The following NOX4 variants were observed in gnomAD, a reference collection of about 807,000 sequenced individuals.
NOX4 encodes kidney oxidase-1.
A neutral mutation model predicts 87.6 loss-of-function variants in NOX4; 69 were observed. That is an observed-to-expected ratio of 0.79 (90% confidence interval 0.65 to 0.96). The LOEUF is 0.96. NOX4 is among the 40% of genes least tolerant of loss of function. The pLI, the probability that NOX4 is intolerant of heterozygous loss-of-function variation, is 0.00. For synonymous variants in NOX4, 275 were observed against 238.2 expected, an observed-to-expected ratio of 1.15 and a Z score of -1.42; for missense variants, 680 against 681.5, an observed-to-expected ratio of 1.00 and a Z score of 0.02.
chr11:89,501,730 T>C (rs76544096), upstream of NOX4, among the ~76,000 whole-genome samples: 1,631 of 152,054 alleles, frequency 0.011, 29 homozygotes, highest in African/African-American at 0.037. Flanking sequence ...CTCCCAAATA[T>C]GTAAAGTCAA....
chr11:89,489,539 C>A (rs1032533875), intron 2 of NOX4, among the ~76,000 whole-genome samples: 13 of 151,778 alleles, frequency 8.6e-5, no homozygotes, highest in Admixed American at 7.9e-4. Flanking sequence ...ACCAGCCTGA[C>A]CAACATGGTG....
intron 8 of NOX4, among the ~76,000 whole-genome samples, chr11:89,416,098 A>G (rs1942754861): frequency 6.6e-6 from 1 of 152,184 alleles, no homozygotes; most frequent in African/African-American, 2.4e-5. Context: ...AGGAGTAGGT[A>G]GAATACCTGT....
At chr11:89,526,411 T>A in the NOX4 span, among the ~76,000 whole-genome samples, 2 of 152,216 alleles carry the variant, frequency 1.3e-5, no homozygotes, top group African/African-American at 4.8e-5. Context: ...AACTTTGATC[T>A]CCTTCTTTAT....
At chr11:89,370,426 G>C (rs534860778) in intron 12 of NOX4, among the ~76,000 whole-genome samples, 1 of 151,674 alleles carries the variant, frequency 6.6e-6, no homozygotes, top group African/African-American at 2.4e-5. Context: ...GGAATAAGTG[G>C]CTATTTAGAC....
intron 11 of NOX4, among the ~76,000 whole-genome samples, chr11:89,386,670 C>A (rs1307258093): frequency 6.6e-6 from 1 of 152,056 alleles, no homozygotes; most frequent in African/African-American, 2.4e-5. Context: ...GACTTACTCA[C>A]TGCTAAAAAA....
the NOX4 span, among the ~76,000 whole-genome samples, chr11:89,580,480 C>A: frequency 6.6e-6 from 1 of 151,988 alleles, no homozygotes; most frequent in African/African-American, 2.4e-5. Context: ...CTGAGCTCAG[C>A]CTAAAATATG....
chr11:89,337,600 G>C lies in NOX4; in HGVS notation c.1447-85C>G, dbSNP rs1471119031. On this transcript the variant is annotated intron_variant, in intron 15 of 17. Coordinates refer to ENST00000263317, the MANE Select transcript of NOX4 (RefSeq NM_016931.5). The stretch of plus-strand genomic sequence containing the variant: ...TCCTATTCTAACATACTTGATTCTA[G>C]AATTTAACACAACCTAGCTTATCAT... The C allele has an allele frequency of 5.7e-6, 9 of 1,565,718 alleles. No homozygotes were observed. The East Asian group carries it at 1.4e-4, about 24-fold the overall frequency.
At chr11:89,479,024 T>A (rs1368476138) in intron 2 of NOX4, among the ~76,000 whole-genome samples, 23 of 145,050 alleles carry the variant, frequency 1.6e-4, no homozygotes, top group African/African-American at 5.0e-4. Context: ...AAAAAAAAAA[T>A]GAAATGTGGC....
chr11:89,438,545 TAA>T lies in NOX4; in HGVS notation c.475+2141_475+2142del, dbSNP rs1565292513. Among the ~76,000 whole-genome samples, 365 of 90,376 alleles carry T rather than the reference TAA, an allele frequency of 4.0e-3. 17 individuals are homozygous for T. Among genetic ancestry groups the T allele is most frequent in the African/African-American group, 0.017 (343 of 19,830 alleles). 59.3% of individuals were successfully genotyped at this position (90,376 alleles called of 152,430 possible). ...TATACTATATATTACACACTATATA[TAA>T]TAATATACTATATATAATATAATAT... On this transcript the variant is annotated intron_variant, in intron 6 of 17. Coordinates refer to ENST00000263317, the MANE Select transcript of NOX4 (RefSeq NM_016931.5).
At chr11:89,379,525 G>A (rs1399811766) in intron 11 of NOX4, among the ~76,000 whole-genome samples, 7 of 152,096 alleles carry the variant, frequency 4.6e-5, no homozygotes, top group South Asian at 2.1e-4. Context: ...ATAACTGGTC[G>A]TGGAAGGCAG....
At chr11:89,490,434 AT>A in intron 2 of NOX4, 23 bp downstream of exon 2, 3 of 1,506,102 alleles carry the variant, frequency 2.0e-6, no homozygotes, top group Non-Finnish European at 2.8e-6. Flanking sequence ...ATTCCACCAG[AT>A]TATCCAAGTT....
intron 8 of NOX4, among the ~76,000 whole-genome samples, chr11:89,421,390 A>G (rs1032504990): frequency 8.5e-5 from 13 of 152,182 alleles, no homozygotes; most frequent in Admixed American, 8.5e-4. Flanking sequence ...CTTAGGATAC[A>G]TTATTTTTTC....
At chr11:89,522,747 A>G in the NOX4 span, among the ~76,000 whole-genome samples, 1 of 152,228 alleles carries the variant, frequency 6.6e-6, no homozygotes, top group Admixed American at 6.5e-5. Context: ...TGTTTTCAAT[A>G]TAAAAATTGT....
chr11:89,432,948 G>A lies in NOX4; in HGVS notation c.476-92C>T, dbSNP rs547659548. On this transcript the variant is annotated intron_variant, in intron 6 of 17. Transcript: ENST00000263317. Reference sequence around the variant, plus strand: ...ATATTAGAATCCGAAATACTGTGCTGTTCTGTGGGAAGCCTAATTCAAATC... The same window carrying A: ...ATATTAGAATCCGAAATACTGTGCTATTCTGTGGGAAGCCTAATTCAAATC... 5 of 814,726 alleles carry A rather than the reference G, an allele frequency of 6.1e-6. No homozygotes were observed. In the East Asian group the frequency reaches 1.1e-4, roughly 18 times the overall value. The allele number at this position is 814,726 out of a possible 1,614,324, so 50.5% of individuals were successfully genotyped here.
chr11:89,365,073 C>T (rs1229680930), intron 12 of NOX4, among the ~76,000 whole-genome samples: 1 of 152,018 alleles, frequency 6.6e-6, no homozygotes, highest in Non-Finnish European at 1.5e-5. Context: ...TTTCTTCTTG[C>T]CTAAGGATTA....
intron 13 of NOX4, among the ~76,000 whole-genome samples, chr11:89,344,562 C>A (rs565949058): frequency 6.6e-6 from 1 of 152,184 alleles, no homozygotes; most frequent in African/African-American, 2.4e-5. Flanking sequence ...AAAATTTTTT[C>A]TTTTTCAAGA....
At chr11:89,397,561 T>G (rs1941572922) in intron 11 of NOX4, among the ~76,000 whole-genome samples, 4 of 152,008 alleles carry the variant, frequency 2.6e-5, no homozygotes, top group Admixed American at 2.6e-4. Flanking sequence ...ACAAAATTGA[T>G]AGACTGCTAG....
intron 2 of NOX4, among the ~76,000 whole-genome samples, chr11:89,452,964 A>T (rs1418493960): frequency 6.6e-6 from 1 of 150,584 alleles, no homozygotes; most frequent in African/African-American, 2.4e-5. Flanking sequence ...GAATTGCTTG[A>T]ACCCAGGAGC....
intron 12 of NOX4, among the ~76,000 whole-genome samples, chr11:89,365,407 G>A (rs745975117): frequency 1.6e-4 from 24 of 151,626 alleles, no homozygotes; most frequent in Non-Finnish European, 2.5e-4. Context: ...ATAAATTGGC[G>A]TTTATTGCCA....
Sources: gnomAD v4.1 joint callset for allele counts (sites outside exome capture counted in the v4.1 genomes callset) on GRCh38, gnomAD v4.1.1 for gene constraint, MANE v1.5 for transcripts, NCBI Gene and HGNC (gene_info 2026-07-23, HGNC 2026-07-21) for gene names.